Variants in MAP3K20 observed in about 807,000 individuals in gnomAD.
MAP3K20 encodes mitogen-activated protein kinase kinase kinase 20.
In MAP3K20, 40 loss-of-function variants were observed where a neutral mutation model predicts 85.7. The ratio of observed to expected loss-of-function variants is 0.47; its 90% CI spans 0.36 to 0.61. The LOEUF (loss-of-function observed/expected upper bound fraction) is 0.61, where lower values mean the gene tolerates loss of function less well. Among genes scored for constraint, MAP3K20 ranks in the 20% least tolerant of loss-of-function variants. MAP3K20 has a pLI of 0.00. For synonymous variants in MAP3K20, 325 were observed against 327.7 expected, an observed-to-expected ratio of 0.99 and a Z score of 0.09; for missense variants, 817 against 961.7, an observed-to-expected ratio of 0.85 and a Z score of 1.99.
intron 2 of MAP3K20, among the ~76,000 whole-genome samples, chr2:173,128,161 A>G (rs1373463046): frequency 6.6e-6 from 1 of 152,136 alleles, no homozygotes; most frequent in East Asian, 1.9e-4. Flanking sequence ...CTCTGACACA[A>G]GGTTCATCTC....
intron 9 of MAP3K20, among the ~76,000 whole-genome samples, chr2:173,208,551 A>G (rs1347088009): frequency 1.3e-5 from 2 of 152,182 alleles, no homozygotes; most frequent in Non-Finnish European, 2.9e-5. Context: ...TATCAGTAAC[A>G]TTTATCTATG....
intron 16 of MAP3K20, among the ~76,000 whole-genome samples, chr2:173,252,167 C>G (rs1174559928): frequency 6.6e-6 from 1 of 152,082 alleles, no homozygotes; most frequent in Non-Finnish European, 1.5e-5. Context: ...TGTGGGAGAT[C>G]ACTTGTCTGT....
chr2:173,168,657 A>C (rs1235011807), intron 2 of MAP3K20, among the ~76,000 whole-genome samples: 1 of 152,144 alleles, frequency 6.6e-6, no homozygotes, highest in African/African-American at 2.4e-5. Flanking sequence ...GGGACTTATA[A>C]ATCTCCAGTC....
chr2:173,148,690 C>T (rs560882413), intron 2 of MAP3K20, among the ~76,000 whole-genome samples: 37 of 152,268 alleles, frequency 2.4e-4, no homozygotes, highest in African/African-American at 5.8e-4. Flanking sequence ...TGCCTGGAAG[C>T]GGTGTGCAGA....
In MAP3K20 at chr2:173,256,490, TA is replaced by T. The variant is rs1423462640; in HGVS notation, c.1360-2208del. Among the ~76,000 whole-genome samples, 3 of 3,594 alleles carry T rather than the reference TA, an allele frequency of 8.3e-4. No individual in the cohort carries two copies. In the Non-Finnish European group the frequency reaches 0.012, roughly 15 times the overall value. 2.4% of individuals were successfully genotyped at this position (3,594 alleles called of 152,430 possible). Reference sequence around the variant, plus strand: ...AAAGAAATTTAAAAAAATAGATAGATAGATAGATAGATAGATAGATAGATAG... The same window carrying T: ...AAAGAAATTTAAAAAAATAGATAGATGATAGATAGATAGATAGATAGATAG... On this transcript the variant is annotated intron_variant, in intron 16 of 19. Coordinates refer to ENST00000375213, the MANE Select transcript of MAP3K20 (RefSeq NM_016653.3).
At chr2:173,099,007 T>C (rs1283813940) in intron 2 of MAP3K20, among the ~76,000 whole-genome samples, 1 of 152,238 alleles carries the variant, frequency 6.6e-6, no homozygotes, top group Non-Finnish European at 1.5e-5. Context: ...CTACTTTTAT[T>C]GTACCTAGCC....
At chr2:173,110,241 A>ATTT (rs1163430418) in intron 2 of MAP3K20, among the ~76,000 whole-genome samples, 3 of 14,222 alleles carry the variant, frequency 2.1e-4, no homozygotes, top group African/African-American at 5.7e-4. Context: ...ATATATATAT[A>ATTT]TTTTTTTTTT....
At chr2:173,200,310 A>G (rs1240701166) in intron 8 of MAP3K20, among the ~76,000 whole-genome samples, 1 of 152,224 alleles carries the variant, frequency 6.6e-6, no homozygotes, top group Non-Finnish European at 1.5e-5. Context: ...TTGACATAGC[A>G]TAAAGATAAT....
intron 2 of MAP3K20, among the ~76,000 whole-genome samples, chr2:173,156,150 T>C (rs1364120841): frequency 6.6e-6 from 1 of 152,228 alleles, no homozygotes; most frequent in Non-Finnish European, 1.5e-5. Flanking sequence ...AAGCCAGTGC[T>C]AAGGATGGTA....
upstream of MAP3K20, chr2:173,075,776 C>A (rs1252671894): frequency 3.0e-6 from 3 of 985,266 alleles, no homozygotes; most frequent in African/African-American, 5.2e-5. Context: ...CTCGCCCGCG[C>A]GTGTGAGGGG....
At position 173,198,377 on chromosome 2, in the gene MAP3K20, AG is replaced by A. The variant is rs1157014945; in HGVS notation, c.669+269del. 5 of 231,128 alleles carry A rather than the reference AG, an allele frequency of 2.2e-5. 1 individual carries two copies. In the Admixed American group the frequency reaches 2.8e-4, roughly 13 times the overall value. The allele number at this position is 231,128 out of a possible 1,614,324, so 14.3% of individuals were successfully genotyped here. A position where few individuals can be genotyped will look rare whatever the true frequency, so the allele number is the denominator to read the frequency against. On this transcript the variant is annotated intron_variant, in intron 8 of 19. Transcript: ENST00000375213. The surrounding 1 kb of genome is among the most constrained non-coding windows in gnomAD (Gnocchi z 5.8). ...TTTCTCAGTCTCAATTGTAAAACCT[AG>A]GGGTTTGTTCTTAGTGATGAAAGAA...
At chr2:173,205,402 C>G (rs1683651516) in intron 9 of MAP3K20, among the ~76,000 whole-genome samples, 1 of 152,114 alleles carries the variant, frequency 6.6e-6, no homozygotes. Context: ...GAATAACTAA[C>G]TCAGAAGCAA....
intron 4 of MAP3K20, among the ~76,000 whole-genome samples, chr2:173,186,210 C>T (rs565008023): frequency 7.1e-4 from 108 of 152,156 alleles, no homozygotes; most frequent in African/African-American, 2.1e-3. Flanking sequence ...AGTGTAGAAA[C>T]TATCTCTACC....
intron 2 of MAP3K20, among the ~76,000 whole-genome samples, chr2:173,143,406 A>G (rs1173707213): frequency 6.6e-6 from 1 of 152,240 alleles, no homozygotes; most frequent in East Asian, 1.9e-4. Flanking sequence ...TAAATTTTAA[A>G]TATCCCCCCC....
At chr2:173,210,551 T>G (rs1262119900) in intron 10 of MAP3K20, 2 of 152,128 alleles carry the variant, frequency 1.3e-5, no homozygotes, top group Admixed American at 1.3e-4. Flanking sequence ...AAAAGAAAAC[T>G]TGATATCATA....
Position 173,198,192 on chromosome 2 carries a change from C to A in MAP3K20, c.669+80C>A. 1 of 1,303,528 alleles carries A rather than the reference C, an allele frequency of 7.7e-7. No individual in the cohort carries two copies. The highest frequency in any genetic ancestry group is 1.3e-5 in the South Asian group (1 of 78,140). 80.7% of individuals were successfully genotyped at this position (1,303,528 alleles called of 1,614,324 possible). ...TTGCAAAAGACTTTTTCATCTTCTT[C>A]AAATTGAAAGTAAGTTCACGCTTAT... On this transcript the variant is annotated intron_variant, in intron 8 of 19. Coordinates refer to ENST00000375213, the MANE Select transcript of MAP3K20 (RefSeq NM_016653.3). The surrounding 1 kb of genome is among the most constrained non-coding windows in gnomAD (Gnocchi z 5.8).
intron 8 of MAP3K20, 110 bp from the exon 9 acceptor site, chr2:173,203,686 G>A: frequency 1.2e-6 from 1 of 802,176 alleles, no homozygotes; most frequent in African/African-American, 1.7e-5. Context: ...TAAATTTCAT[G>A]CCTTATGTTC....
At chr2:173,263,678 T>C (rs1685347114) in intron 18 of MAP3K20, 67 bp from the exon 19 acceptor site, 1 of 1,465,196 alleles carries the variant, frequency 6.8e-7, no homozygotes. Flanking sequence ...TTTATATATG[T>C]GTGTCTATTT....
Position 173,267,683 on chromosome 2 carries a change from A to C in MAP3K20, c.*933A>C, listed in dbSNP as rs1685454653. On this transcript the variant is annotated 3_prime_UTR_variant, in exon 20 of 20. Coordinates refer to ENST00000375213, the MANE Select transcript of MAP3K20 (RefSeq NM_016653.3). ...AGCAAAGAGGATAAAACAACACTCC[A>C]TAAAGGCCTCTTGGGATGTCAGAAA... The C allele has an allele frequency of 6.6e-6, 1 of 152,236 alleles. No individual in the cohort carries two copies. The highest frequency in any genetic ancestry group is 1.5e-5 in the Non-Finnish European group (1 of 68,044). 9.4% of individuals were successfully genotyped at this position (152,236 alleles called of 1,614,324 possible). A position where few individuals can be genotyped will look rare whatever the true frequency, so the allele number is the denominator to read the frequency against.
Sources: gnomAD v4.1 joint callset for allele counts (sites outside exome capture counted in the v4.1 genomes callset) on GRCh38, gnomAD v4.1.1 for gene constraint, Gnocchi (gnomAD v3.1) non-coding constraint, MANE v1.5 for transcripts, NCBI Gene and HGNC (gene_info 2026-07-23, HGNC 2026-07-21) for gene names.